Variants in DHTKD1 observed in about 807,000 individuals in gnomAD.
DHTKD1 encodes the protein dehydrogenase E1 and transketolase domain containing 1.
In DHTKD1, 78 loss-of-function variants were observed where a neutral mutation model predicts 101.8. The ratio of observed to expected loss-of-function variants is 0.77; its 90% CI spans 0.64 to 0.93. DHTKD1 has a LOEUF of 0.93. DHTKD1 is among the 40% of genes least tolerant of loss of function. The probability of loss-of-function intolerance (pLI) is 0.00; values close to 1 mark genes in which losing one functional copy is unlikely to be tolerated. For missense variants in DHTKD1, 1,223 were observed against 1,161.7 expected (o/e 1.05, Z -0.77); for synonymous variants, 462 against 450.3 (o/e 1.03, Z -0.33).
intron 1 of DHTKD1, among the ~76,000 whole-genome samples, chr10:12,070,142 T>C (rs1832632054): frequency 1.3e-5 from 2 of 152,206 alleles, no homozygotes; most frequent in African/African-American, 2.4e-5. Context: ...AGCCACTCTA[T>C]TGACACCTTG....
chr10:12,110,029 T>C lies in DHTKD1; in HGVS notation c.2154+2014T>C, dbSNP rs527917948. Among the ~76,000 whole-genome samples the C allele has an allele frequency of 4.6e-5, 7 of 151,010 alleles. No homozygotes were observed. The East Asian group carries it at 1.4e-3, about 30-fold the overall frequency. On this transcript the variant is annotated intron_variant, in intron 12 of 16. Transcript: ENST00000263035. This position sits in a 1 kb window ranked among gnomAD's most constrained non-coding sequence, Gnocchi z 4.9. ...GTAGCCCAATACAGGCTGGGCGTGG[T>C]GGCTCACTCCTGTAATCCCAGCACT...
intron 7 of DHTKD1, among the ~76,000 whole-genome samples, chr10:12,097,473 C>T (rs1185449272): frequency 6.6e-6 from 1 of 152,026 alleles, no homozygotes; most frequent in Admixed American, 6.6e-5. Flanking sequence ...AGGGTTTCAC[C>T]ACGTTGGCCA....
chr10:12,119,338 G>A (rs1230088106), intron 15 of DHTKD1, among the ~76,000 whole-genome samples: 2 of 150,872 alleles, frequency 1.3e-5, no homozygotes, highest in African/African-American at 2.4e-5. Context: ...GGTACAGGCG[G>A]GGCGCGGTGC....
rs149066296 is a variant in DHTKD1 at position 12,088,989 on chromosome 10, A to T, written c.721A>T (p.Met241Leu). 1.9e-4 allele frequency: 304 copies of T among 1,613,072 alleles called. 2 individuals carry two copies. In the African/African-American group the frequency reaches 3.5e-3, roughly 18 times the overall value. The part of the protein sequence containing the change: ...TGLLQFPPEL[M>L]FRKMRGLSEF... ...CTTTTGAATGTATCCACAATAGCTG[A>T]TGTTCCGTAAAATGCGAGGCTTAAG... is the stretch of plus-strand genomic sequence containing the variant. Residue 241 changes from methionine (M) to leucine (L), a missense_variant, in exon 5 of 17, where the codon ATG (methionine) becomes TTG (leucine). Met to Leu is a conservative substitution (Grantham distance 15). Transcript: ENST00000263035.
At chr10:12,076,757 T>G (rs545444381) in intron 1 of DHTKD1, among the ~76,000 whole-genome samples, 1 of 151,766 alleles carries the variant, frequency 6.6e-6, no homozygotes, top group Non-Finnish European at 1.5e-5. Flanking sequence ...CTCCCGGGTT[T>G]ACGCCATTCT....
intron 1 of DHTKD1, 119 bp from the exon 2 acceptor site, chr10:12,081,352 TA>T (rs1438647093): frequency 3.0e-6 from 2 of 659,068 alleles, no homozygotes; most frequent in Non-Finnish European, 5.1e-6. Flanking sequence ...GTCTCTAAAA[TA>T]AATAAATAAA....
At chr10:12,076,790 C>A (rs1451510672) in intron 1 of DHTKD1, among the ~76,000 whole-genome samples, 3 of 151,756 alleles carry the variant, frequency 2.0e-5, no homozygotes, top group East Asian at 1.9e-4. Flanking sequence ...TCCCGAGTAG[C>A]TGGGACTACA....
intron 11 of DHTKD1, 70 bp downstream of exon 11, chr10:12,106,466 G>A: frequency 6.3e-7 from 1 of 1,581,534 alleles, no homozygotes. Flanking sequence ...GGGGACAAAT[G>A]AATGAAAAGG....
chr10:12,080,668 A>AGG, intron 1 of DHTKD1, among the ~76,000 whole-genome samples: 1 of 150,346 alleles, frequency 6.7e-6, no homozygotes, highest in Admixed American at 6.7e-5. Flanking sequence ...CCAAGATTGA[A>AGG]CCACTGCACT....
At position 12,103,521 on chromosome 10, in the gene DHTKD1, GTGTGTGTA is replaced by G. The variant is rs1367253813; in HGVS notation, c.1896+2344_1896+2351del. 6.6e-6 allele frequency among the ~76,000 whole-genome samples: 1 copy of G among 151,680 alleles called. No homozygotes were observed. The highest frequency in any genetic ancestry group is 1.5e-5 in the Non-Finnish European group (1 of 67,938). ...TGTGTGTGTGTGTGTGTGTGTGTGT[GTGTGTGTA>G]TGTATGTGACAGGTCCTCCTCTGTT... On this transcript the variant is annotated intron_variant, in intron 10 of 16. Transcript: ENST00000263035. The surrounding 1 kb of genome is among the most constrained non-coding windows in gnomAD (Gnocchi z 4.8).
chr10:12,110,159 A>G lies in DHTKD1; in HGVS notation c.2154+2144A>G, dbSNP rs1289479568. 6.6e-6 allele frequency among the ~76,000 whole-genome samples: 1 copy of G among 152,130 alleles called. No individual in the cohort carries two copies. Among genetic ancestry groups the G allele is most frequent in the East Asian group, 1.9e-4 (1 of 5,190 alleles). On this transcript the variant is annotated intron_variant, in intron 12 of 16. Transcript: ENST00000263035. This position sits in a 1 kb window ranked among gnomAD's most constrained non-coding sequence, Gnocchi z 4.9. ...TAAAAATACAAAAAATTAGCCGGGC[A>G]CGGTGGCAGGCACCTGTAGTCCCAG... is the stretch of plus-strand genomic sequence containing the variant.
chr10:12,120,918 T>C lies in DHTKD1; in HGVS notation c.*30T>C. 6.2e-7 allele frequency: 1 copy of C among 1,606,050 alleles called. No individual in the cohort carries two copies. Among genetic ancestry groups the C allele is most frequent in the South Asian group, 1.1e-5 (1 of 90,868 alleles). ...GACTTTTGAAGAAACACTATTTCTC[T>C]TTAAGAAAATGGCCATTAAGGCCGG... is the stretch of plus-strand genomic sequence containing the variant. On this transcript the variant is annotated 3_prime_UTR_variant, in exon 17 of 17. Coordinates refer to ENST00000263035, the MANE Select transcript of DHTKD1 (RefSeq NM_018706.7).
At chr10:12,083,532 C>T (rs7098272) in intron 2 of DHTKD1, among the ~76,000 whole-genome samples, 25,957 of 151,876 alleles carry the variant, frequency 0.17, 2,751 homozygotes, top group African/African-American at 0.3. Flanking sequence ...GACAGGAGTT[C>T]GAGACCAGCC....
At chr10:12,114,115 A>G (rs1264990398) in intron 13 of DHTKD1, among the ~76,000 whole-genome samples, 1 of 149,922 alleles carries the variant, frequency 6.7e-6, no homozygotes, top group African/African-American at 2.5e-5. Flanking sequence ...TTATCATTTT[A>G]TCATTTAACA....
chr10:12,091,428 A>AAAAAG, intron 5 of DHTKD1, 85 bp from the exon 6 acceptor site: 2 of 880,036 alleles, frequency 2.3e-6, no homozygotes, highest in Non-Finnish European at 3.2e-6. Context: ...AAAAAAAAAA[A>AAAAAG]AAGTTATTCC....
intron 6 of DHTKD1, among the ~76,000 whole-genome samples, chr10:12,093,457 A>G (rs1833022484): frequency 6.6e-6 from 1 of 152,214 alleles, no homozygotes; most frequent in African/African-American, 2.4e-5. Flanking sequence ...TGCTGAGATT[A>G]CAGGCGTGAA....
Position 12,118,513 on chromosome 10 carries a change from G to C in DHTKD1, c.2403-236G>C, listed in dbSNP as rs571050508. On this transcript the variant is annotated intron_variant, in intron 14 of 16. Coordinates refer to ENST00000263035, the MANE Select transcript of DHTKD1 (RefSeq NM_018706.7). ...TTCTCCTGCCTTAGCCTCCCGAGTA[G>C]CTGGGACTACAGGTGCCCGCCAGTA... is the stretch of plus-strand genomic sequence containing the variant. Among the ~76,000 whole-genome samples, 9 of 151,810 alleles carry C rather than the reference G, an allele frequency of 5.9e-5. No individual in the cohort carries two copies. The South Asian group carries it at 8.3e-4, about 14-fold the overall frequency.
chr10:12,109,649 C>T (rs370324388), intron 12 of DHTKD1, among the ~76,000 whole-genome samples: 12 of 151,702 alleles, frequency 7.9e-5, no homozygotes, highest in East Asian at 1.9e-4. Context: ...AGAAAGCAAG[C>T]GAAGGAAACA....
In DHTKD1 at chr10:12,097,879, A is replaced by G. The variant is rs1833097100; in HGVS notation, c.1554A>G (p.Gln518=). 6.2e-7 allele frequency: 1 copy of G among 1,614,040 alleles called. No individual in the cohort carries two copies. The highest frequency in any genetic ancestry group is 1.3e-5 in the African/African-American group (1 of 74,928). The change falls in exon 8 of 17, where the codon CAA becomes CAG. Residue 518 remains glutamine (Q), a synonymous_variant. Coordinates refer to ENST00000263035, the MANE Select transcript of DHTKD1 (RefSeq NM_018706.7). ...AGGGCCTGGCTCAGCCAGAAGCGCA[A>G]ATCACCACCTGGAGTACAGGTGTGC... ...HWQGLAQPEA[Q]ITTWSTGVPL...
Sources: gnomAD v4.1 joint callset for allele counts (sites outside exome capture counted in the v4.1 genomes callset) on GRCh38, gnomAD v4.1.1 for gene constraint, Gnocchi (gnomAD v3.1) non-coding constraint, MANE v1.5 for transcripts, NCBI Gene and HGNC (gene_info 2026-07-23, HGNC 2026-07-21) for gene names.